Variants in RGS6 observed in about 807,000 individuals in gnomAD.
RGS6 encodes regulator of G-protein signaling 6.
In RGS6, 30 loss-of-function variants were observed where a neutral mutation model predicts 78.5. The ratio of observed to expected loss-of-function variants is 0.38; its 90% CI spans 0.29 to 0.52. The LOEUF (loss-of-function observed/expected upper bound fraction) is 0.52, where lower values mean the gene tolerates loss of function less well. RGS6 is among the 20% of genes least tolerant of loss of function. The pLI is 0.85. For missense variants in RGS6, 495 were observed against 609.7 expected, an observed-to-expected ratio of 0.81 and a Z score of 1.98; for synonymous variants, 206 against 206.0, an observed-to-expected ratio of 1.00 and a Z score of 0.00.
intron 2 of RGS6, among the ~76,000 whole-genome samples, chr14:72,034,783 A>G (rs1005153545): frequency 2.0e-5 from 3 of 152,148 alleles, no homozygotes; most frequent in African/African-American, 7.2e-5. Context: ...CAGTGAAACC[A>G]TCTGGTCCGG....
At chr14:71,976,122 T>C (rs570569925) in intron 2 of RGS6, among the ~76,000 whole-genome samples, 22 of 151,856 alleles carry the variant, frequency 1.4e-4, no homozygotes, top group African/African-American at 5.3e-4. Flanking sequence ...ATTTAATTCC[T>C]AAACTTATTA....
chr14:72,503,903 A>C (rs958121255), intron 13 of RGS6, among the ~76,000 whole-genome samples: 9 of 152,040 alleles, frequency 5.9e-5, no homozygotes, highest in African/African-American at 2.2e-4. Flanking sequence ...GGGGTTCCTC[A>C]CCTGCAGCTC....
chr14:71,880,259 G>A, the RGS6 span, among the ~76,000 whole-genome samples: 1 of 152,238 alleles, frequency 6.6e-6, no homozygotes, highest in African/African-American at 2.4e-5. Flanking sequence ...GGGCATAAAA[G>A]TTTGGGAAAT....
At chr14:72,090,452 A>G (rs887957525) in intron 2 of RGS6, among the ~76,000 whole-genome samples, 1 of 152,160 alleles carries the variant, frequency 6.6e-6, no homozygotes, top group South Asian at 2.1e-4. Flanking sequence ...CATGCGAGGG[A>G]TCTAGGTTAC....
the RGS6 span, among the ~76,000 whole-genome samples, chr14:72,580,842 G>T: frequency 6.6e-6 from 1 of 152,220 alleles, no homozygotes; most frequent in Non-Finnish European, 1.5e-5. Flanking sequence ...GGAGTGAGCA[G>T]GGTCTGCCAG....
At chr14:71,878,411 C>T in the RGS6 span, among the ~76,000 whole-genome samples, 47,403 of 151,994 alleles carry the variant, frequency 0.31, 7,640 homozygotes, top group South Asian at 0.42. Context: ...TTGCTGCTGC[C>T]GCCTTGCAGT....
intron 13 of RGS6, among the ~76,000 whole-genome samples, chr14:72,500,060 C>T (rs754850327): frequency 1.3e-5 from 2 of 152,246 alleles, no homozygotes; most frequent in Non-Finnish European, 2.9e-5. Context: ...ATAAAATGAA[C>T]TTCCTCTTTT....
chr14:71,877,674 T>G, the RGS6 span, among the ~76,000 whole-genome samples: 1 of 152,250 alleles, frequency 6.6e-6, no homozygotes, highest in Non-Finnish European at 1.5e-5. Flanking sequence ...TCAAGCCTTC[T>G]TCTCTCAACT....
chr14:72,550,819 T>A, intron 17 of RGS6: 1 of 514,336 alleles, frequency 1.9e-6, no homozygotes, highest in Non-Finnish European at 3.1e-6. Flanking sequence ...TTGCTTTTTG[T>A]TGTTGTTTTG....
chr14:72,540,635 C>G, intron 17 of RGS6: 1 of 1,434,980 alleles, frequency 7.0e-7, no homozygotes. Flanking sequence ...TGTGGCCTAG[C>G]TGGCGTGTGT....
At chr14:72,393,105 C>T (rs2090400996) in intron 3 of RGS6, among the ~76,000 whole-genome samples, 1 of 152,146 alleles carries the variant, frequency 6.6e-6, no homozygotes. Flanking sequence ...TCATCTGTGG[C>T]TTATCTGCTT....
intron 16 of RGS6, among the ~76,000 whole-genome samples, chr14:72,538,729 G>A (rs1162549057): frequency 6.6e-6 from 1 of 152,244 alleles, no homozygotes; most frequent in Non-Finnish European, 1.5e-5. Flanking sequence ...GAGTCCTTCA[G>A]TTCCTAGTAC....
At chr14:72,189,305 T>C (rs2097292658) in intron 2 of RGS6, among the ~76,000 whole-genome samples, 1 of 152,220 alleles carries the variant, frequency 6.6e-6, no homozygotes, top group African/African-American at 2.4e-5. Flanking sequence ...TCTAGTATGT[T>C]AGGCCTTGTC....
At chr14:71,984,434 CA>C (rs946268983) in intron 2 of RGS6, among the ~76,000 whole-genome samples, 8 of 131,840 alleles carry the variant, frequency 6.1e-5, no homozygotes, top group Non-Finnish European at 7.7e-5. Context: ...CCCTTGAGCC[CA>C]GGAGTTTGAG....
intron 2 of RGS6, among the ~76,000 whole-genome samples, chr14:72,163,889 A>C (rs1312717011): frequency 1.3e-5 from 2 of 151,996 alleles, no homozygotes; most frequent in Non-Finnish European, 2.9e-5. Flanking sequence ...TCTCAAAAAA[A>C]AAAAAAAAAA....
intron 13 of RGS6, among the ~76,000 whole-genome samples, chr14:72,495,479 T>A (rs2096633015): frequency 6.6e-6 from 1 of 152,178 alleles, no homozygotes; most frequent in Non-Finnish European, 1.5e-5. Context: ...ACCCTTTGGA[T>A]ACCATGATAA....
At chr14:72,043,895 G>A (rs2092631139) in intron 2 of RGS6, among the ~76,000 whole-genome samples, 1 of 152,058 alleles carries the variant, frequency 6.6e-6, no homozygotes, top group Admixed American at 6.6e-5. Flanking sequence ...TTCTTGGAAG[G>A]TCGCTGCTGC....
intron 2 of RGS6, among the ~76,000 whole-genome samples, chr14:72,001,657 A>G (rs74060444): frequency 0.012 from 1,821 of 152,244 alleles, 41 homozygotes; most frequent in African/African-American, 0.041. Context: ...TGTGGCTTCC[A>G]TAATACAATC....
At chr14:72,066,863 A>G (rs1377902824) in intron 2 of RGS6, among the ~76,000 whole-genome samples, 1 of 151,638 alleles carries the variant, frequency 6.6e-6, no homozygotes, top group Non-Finnish European at 1.5e-5. Context: ...AAAGAATGAA[A>G]GAAATGCACT....
Sources: allele counts gnomAD v4.1 joint callset (sites outside exome capture counted in the v4.1 genomes callset), GRCh38; gene constraint gnomAD v4.1.1; transcripts MANE v1.5; gene names NCBI Gene and HGNC (gene_info 2026-07-23, HGNC 2026-07-21).